The following PGS1 variants were observed in gnomAD, a reference collection of about 807,000 sequenced individuals.
PGS1 encodes CDP-diacylglycerol--glycerol-3-phosphate 3-phosphatidyltransferase, mitochondrial.
A neutral mutation model predicts 58.3 loss-of-function variants in PGS1; 44 were observed. The ratio of observed to expected loss-of-function variants is 0.75; its 90% CI spans 0.59 to 0.97. PGS1 has a LOEUF of 0.97. Ranked by LOEUF, PGS1 falls within the 50% of genes least tolerant of loss-of-function variation. PGS1 has a pLI of 0.00. For missense variants in PGS1, 684 were observed against 731.1 expected, an observed-to-expected ratio of 0.94 and a Z score of 0.74; for synonymous variants, 330 against 311.0, an observed-to-expected ratio of 1.06 and a Z score of -0.64.
chr17:78,418,368 C>T (rs1004437658), intron 8 of PGS1, among the ~76,000 whole-genome samples: 1 of 152,224 alleles, frequency 6.6e-6, no homozygotes, highest in Non-Finnish European at 1.5e-5. Flanking sequence ...GGCCGCCTGC[C>T]TTCTGTGTAC....
At chr17:78,402,932 G>A (rs1217975613) in intron 6 of PGS1, among the ~76,000 whole-genome samples, 5 of 152,136 alleles carry the variant, frequency 3.3e-5, no homozygotes, top group South Asian at 2.1e-4. Context: ...TGTCTTGTCC[G>A]AATACAAAAG....
chr17:78,423,178 C>A, intron 9 of PGS1, among the ~76,000 whole-genome samples: 1 of 152,044 alleles, frequency 6.6e-6, no homozygotes, highest in East Asian at 1.9e-4. Flanking sequence ...CCGCTGTCTC[C>A]CCTCATCCCC....
At chr17:78,406,445 A>C (rs1250711293) in intron 7 of PGS1, among the ~76,000 whole-genome samples, 2 of 152,218 alleles carry the variant, frequency 1.3e-5, no homozygotes, top group African/African-American at 2.4e-5. Context: ...AGCCTTAAGA[A>C]CCACTGTCCC....
Position 78,406,223 on chromosome 17 carries a change from C to T in PGS1, c.1402+2134C>T, listed in dbSNP as rs1435894706. ...GTCCCAGCCACTTGGGAGGCTGAGG[C>T]AGGAGAATGGCGTGAACCCGGGAGG... is the stretch of plus-strand genomic sequence containing the variant. On this transcript the variant is annotated intron_variant, in intron 7 of 9. Coordinates refer to ENST00000262764, the MANE Select transcript of PGS1 (RefSeq NM_024419.5). Among the ~76,000 whole-genome samples the T allele has an allele frequency of 2.0e-5, 3 of 152,036 alleles. No homozygotes were observed. The East Asian group carries it at 5.8e-4, about 29-fold the overall frequency.
intron 3 of PGS1, 74 bp downstream of exon 3, chr17:78,396,459 G>A: frequency 9.0e-7 from 1 of 1,108,364 alleles, no homozygotes; most frequent in African/African-American, 1.6e-5. Context: ...TTTGTGCCAT[G>A]CAGTTGGTGT....
At chr17:78,412,236 G>T (rs982221377) in intron 7 of PGS1, among the ~76,000 whole-genome samples, 2 of 152,080 alleles carry the variant, frequency 1.3e-5, no homozygotes, top group African/African-American at 4.8e-5. Flanking sequence ...TCCCCAGAGG[G>T]CATCAGACTG....
chr17:78,406,159 A>G (rs2084123116), intron 7 of PGS1, among the ~76,000 whole-genome samples: 1 of 152,124 alleles, frequency 6.6e-6, no homozygotes, highest in Non-Finnish European at 1.5e-5. Flanking sequence ...TACTAAAAAA[A>G]TACAAAAAAT....
At chr17:78,412,142 T>A (rs2084767529) in intron 7 of PGS1, among the ~76,000 whole-genome samples, 1 of 152,074 alleles carries the variant, frequency 6.6e-6, no homozygotes, top group South Asian at 2.1e-4. Context: ...CTGTGGGGCA[T>A]GCTGGGGTGT....
intron 9 of PGS1, among the ~76,000 whole-genome samples, chr17:78,422,179 C>A (rs906972634): frequency 1.3e-5 from 2 of 152,008 alleles, no homozygotes; most frequent in Non-Finnish European, 2.9e-5. Flanking sequence ...GGCTTTAGCT[C>A]CCCTGGTCAC....
Position 78,414,977 on chromosome 17 carries a change from C to T in PGS1, c.1501C>T (p.Gln501Ter), listed in dbSNP as rs1306674249. The part of the protein sequence containing the change: ...YRSVHRDLEA[Q>*]IAIVTENQAL... Reference sequence around the variant, plus strand: ...GTCAGTTCACCGGGACCTGGAGGCCCAGATTGCGATCGTGACGGAGAACCA... The same window carrying T: ...GTCAGTTCACCGGGACCTGGAGGCCTAGATTGCGATCGTGACGGAGAACCA... The change falls in exon 8 of 10, where the codon CAG (glutamine) becomes TAG (stop). Residue 501 changes from glutamine (Q) to a stop codon, truncating the protein, a stop_gained. Coordinates refer to ENST00000262764, the MANE Select transcript of PGS1 (RefSeq NM_024419.5). LOFTEE classifies it high-confidence loss of function. 1.2e-6 allele frequency: 2 copies of T among 1,613,728 alleles called. No homozygotes were observed. The highest frequency in any genetic ancestry group is 3.3e-5 in the Admixed American group (2 of 60,026).
chr17:78,380,852 C>CTTTTTTTTTTTTT, intron 1 of PGS1: 1 of 146,212 alleles, frequency 6.8e-6, no homozygotes, highest in African/African-American at 2.5e-5. Flanking sequence ...TTTTCTTTTT[C>CTTTTTTTTTTTTT]TTTTTTTTTT....
chr17:78,424,552 CAT>C lies in PGS1; in HGVS notation c.*506_*507del. ...TACACAATATAATTATACATCTGTG[CAT>C]ATAAATATTGCCTTTAACCAGACTG... On this transcript the variant is annotated 3_prime_UTR_variant, in exon 10 of 10. Coordinates refer to ENST00000262764, the MANE Select transcript of PGS1 (RefSeq NM_024419.5). 1 of 168,424 alleles carries C rather than the reference CAT, an allele frequency of 5.9e-6. No homozygotes were observed. The highest frequency in any genetic ancestry group is 1.3e-5 in the Non-Finnish European group (1 of 79,058). The allele number at this position is 168,424 out of a possible 1,614,324, so 10.4% of individuals were successfully genotyped here.
rs766863247 is a variant in PGS1 at position 78,400,687 on chromosome 17, A to G, written c.712A>G (p.Ser238Gly). ...NSVILSGANL[S>G]DSYFTNRQDR... ...CTTCCCTCCCTGTAGTGCAAACCTG[A>G]GTGACTCCTACTTCACCAACCGCCA... Residue 238 changes from serine (S) to glycine (G), a missense_variant, in exon 6 of 10, where the codon AGT (serine) becomes GGT (glycine). Ser to Gly is a moderately conservative substitution (Grantham distance 56, BLOSUM62 0). Transcript: ENST00000262764. The surrounding 1 kb of genome is among the most constrained non-coding windows in gnomAD (Gnocchi z 4.4). The G allele has an allele frequency of 3.7e-6, 6 of 1,613,330 alleles. No homozygotes were observed. In the Admixed American group the frequency reaches 1.0e-4, roughly 27 times the overall value.
intron 8 of PGS1, among the ~76,000 whole-genome samples, chr17:78,418,449 C>T (rs991221881): frequency 2.0e-5 from 3 of 152,134 alleles, no homozygotes; most frequent in African/African-American, 7.2e-5. Flanking sequence ...TGTCCAGCTT[C>T]CTTTGCCTGC....
chr17:78,384,411 A>T (rs1047072251), intron 1 of PGS1, among the ~76,000 whole-genome samples: 2 of 152,156 alleles, frequency 1.3e-5, no homozygotes, highest in Non-Finnish European at 2.9e-5. Context: ...GCTTTTTCTC[A>T]TCAGTTCACT....
At chr17:78,404,628 G>A (rs114910037) in intron 7 of PGS1, among the ~76,000 whole-genome samples, 1 of 152,034 alleles carries the variant, frequency 6.6e-6, no homozygotes, top group Non-Finnish European at 1.5e-5. Flanking sequence ...TGGTAAAGAT[G>A]TGGTGACATA....
At chr17:78,415,162 T>A in intron 8 of PGS1, 135 bp downstream of exon 8, 1 of 1,007,564 alleles carries the variant, frequency 9.9e-7, no homozygotes, top group Non-Finnish European at 1.5e-6. Flanking sequence ...CAAGAAAGAC[T>A]CTGGGTCTCC....
chr17:78,422,987 T>G (rs1292914612), intron 9 of PGS1, among the ~76,000 whole-genome samples: 1 of 151,936 alleles, frequency 6.6e-6, no homozygotes, highest in Non-Finnish European at 1.5e-5. Context: ...CCCCAGCTAC[T>G]TGGGAGGTTG....
chr17:78,414,765 C>T (rs1040275939), intron 7 of PGS1, 114 bp from the exon 8 acceptor site: 15 of 1,183,386 alleles, frequency 1.3e-5, no homozygotes, highest in South Asian at 5.5e-5. Context: ...AGCAGCCCCT[C>T]GTGTCCAGGC....
Sources: gnomAD v4.1 joint callset for allele counts (sites outside exome capture counted in the v4.1 genomes callset) on GRCh38, gnomAD v4.1.1 for gene constraint, Gnocchi (gnomAD v3.1) non-coding constraint, MANE v1.5 for transcripts, NCBI Gene and HGNC (gene_info 2026-07-23, HGNC 2026-07-21) for gene names.